The following GATAD2B variants were observed in gnomAD, a reference collection of about 807,000 sequenced individuals.
GATAD2B encodes the protein transcriptional repressor p66-beta.
GATAD2B carries 8 observed loss-of-function variants against 64.3 expected under a neutral mutation model. The ratio of observed to expected loss-of-function variants is 0.12; its 90% CI spans 0.07 to 0.22. The LOEUF (loss-of-function observed/expected upper bound fraction) is 0.22. Among genes scored for constraint, GATAD2B ranks in the 10% least tolerant of loss-of-function variants. GATAD2B has a pLI of 1.00. For synonymous variants in GATAD2B, 281 were observed against 271.3 expected, an observed-to-expected ratio of 1.04 and a Z score of -0.35; for missense variants, 453 against 752.0, an observed-to-expected ratio of 0.60 and a Z score of 4.65.
intron 1 of GATAD2B, chr1:153,852,030 G>A (rs759590351): frequency 6.9e-6 from 3 of 437,028 alleles, no homozygotes; most frequent in South Asian, 5.0e-5. Flanking sequence ...TTGCCTAGCA[G>A]GGTTAATTTC....
Position 153,816,396 on chromosome 1 carries a change from G to A in GATAD2B, c.1093C>T (p.Leu365=), listed in dbSNP as rs1674482921. Residue 365 remains leucine (L), a synonymous_variant, in exon 7 of 11, where the codon CTG becomes TTG. Transcript: ENST00000368655. This position sits in a 1 kb window ranked among gnomAD's most constrained non-coding sequence, Gnocchi z 4.9. ...GGAGGTTTAGGGGGTGGGATCTCCA[G>A]GAGTGTCTTTTCCAGCTGTTTGCGA... is the stretch of plus-strand genomic sequence containing the variant. ...ALRKQLEKTL[L]EIPPPKPPAP... is the part of the protein sequence containing the mutation. 1 of 1,613,958 alleles carries A rather than the reference G, an allele frequency of 6.2e-7. No individual in the cohort carries two copies. Among genetic ancestry groups the A allele is most frequent in the Non-Finnish European group, 8.5e-7 (1 of 1,179,932 alleles).
chr1:153,889,736 T>C (rs190359482), intron 1 of GATAD2B: 211 of 420,956 alleles, frequency 5.0e-4, no homozygotes, highest in Non-Finnish European at 6.3e-4. Context: ...CTGTAAAGAA[T>C]AGCAAAATGT....
chr1:153,922,015 G>C (rs1188274907), intron 1 of GATAD2B: 2 of 152,246 alleles, frequency 1.3e-5, no homozygotes, highest in Non-Finnish European at 2.9e-5. Flanking sequence ...CTGGAAGACA[G>C]ATCCAGTGTG....
At chr1:153,839,616 G>A (rs1038847701) in intron 1 of GATAD2B, among the ~76,000 whole-genome samples, 1 of 152,172 alleles carries the variant, frequency 6.6e-6, no homozygotes, top group Non-Finnish European at 1.5e-5. Flanking sequence ...AAAGTTATCA[G>A]TATTTATAAT....
chr1:153,825,906 G>A (rs751806519), intron 2 of GATAD2B, among the ~76,000 whole-genome samples: 7 of 152,124 alleles, frequency 4.6e-5, no homozygotes, highest in Admixed American at 2.0e-4. Context: ...TGCTTTGGAT[G>A]AGTCCTACAA....
chr1:153,807,317 G>C lies in GATAD2B; in HGVS notation c.*2860C>G, dbSNP rs1449210990. 1 of 152,100 alleles carries C rather than the reference G, an allele frequency of 6.6e-6. No homozygotes were observed. The highest frequency in any genetic ancestry group is 1.5e-5 in the Non-Finnish European group (1 of 68,032). 9.4% of individuals were successfully genotyped at this position (152,100 alleles called of 1,614,324 possible). On this transcript the variant is annotated 3_prime_UTR_variant, in exon 11 of 11. Coordinates refer to ENST00000368655, the MANE Select transcript of GATAD2B (RefSeq NM_020699.4). ...GAGATGGATAGTAACAAGTAGACTT[G>C]GAGGGACACAAGGCAATCAGTGATG... is the stretch of plus-strand genomic sequence containing the variant.
chr1:153,814,340 A>AT (rs1557779623), intron 7 of GATAD2B, among the ~76,000 whole-genome samples: 7 of 152,354 alleles, frequency 4.6e-5, no homozygotes, highest in African/African-American at 1.7e-4. Flanking sequence ...ACTCTATAGT[A>AT]TGGTTTAGTA....
At position 153,914,355 on chromosome 1, in the gene GATAD2B, C is replaced by A. The variant is rs1304335115; in HGVS notation, c.-2+8378G>T. ...CCTTTACATGCATTATCTTATTTGA[C>A]TGACAAAGAAACCTAGCGAAATAGA... is the stretch of plus-strand genomic sequence containing the variant. On this transcript the variant is annotated intron_variant, in intron 1 of 10. Coordinates refer to ENST00000368655, the MANE Select transcript of GATAD2B (RefSeq NM_020699.4). Among the ~76,000 whole-genome samples the A allele has an allele frequency of 2.7e-5, 4 of 150,692 alleles. No individual in the cohort carries two copies. The East Asian group carries it at 7.8e-4, about 29-fold the overall frequency.
intron 2 of GATAD2B, among the ~76,000 whole-genome samples, chr1:153,826,366 T>C (rs1007662919): frequency 1.8e-4 from 27 of 151,820 alleles, no homozygotes; most frequent in South Asian, 4.2e-4. Context: ...TGATGGCTCA[T>C]GCCTATAATC....
At chr1:153,880,558 A>T (rs914102096) in intron 1 of GATAD2B, among the ~76,000 whole-genome samples, 1 of 152,156 alleles carries the variant, frequency 6.6e-6, no homozygotes, top group African/African-American at 2.4e-5. Context: ...AACAAACTAC[A>T]GCTGTAAAAT....
rs577744199 is a variant in GATAD2B, at chr1:153,856,766, A to G, written c.-1-28418T>C. 1.7e-3 allele frequency among the ~76,000 whole-genome samples: 261 copies of G among 152,194 alleles called. 1 individual carries two copies. The highest frequency in any genetic ancestry group is 5.8e-3 in the South Asian group (28 of 4,824). ...TAATAAATAAACCAACTAACCAAAA[A>G]AAAGAAAGAAAGAAAAAAGAATGCC... On this transcript the variant is annotated intron_variant, in intron 1 of 10. Coordinates refer to ENST00000368655, the MANE Select transcript of GATAD2B (RefSeq NM_020699.4).
intron 1 of GATAD2B, among the ~76,000 whole-genome samples, chr1:153,904,959 G>A (rs1200580272): frequency 6.6e-6 from 1 of 150,788 alleles, no homozygotes; most frequent in Non-Finnish European, 1.5e-5. Context: ...TGCCTGCCTT[G>A]GCCTCCCGAA....
At chr1:153,823,979 C>G (rs886121684) in intron 2 of GATAD2B, among the ~76,000 whole-genome samples, 3 of 150,308 alleles carry the variant, frequency 2.0e-5, no homozygotes, top group Non-Finnish European at 4.4e-5. Context: ...ATCCTCCCGC[C>G]TCGGCCTCCC....
chr1:153,876,706 A>G (rs1676847250), intron 1 of GATAD2B, among the ~76,000 whole-genome samples: 1 of 152,220 alleles, frequency 6.6e-6, no homozygotes, highest in South Asian at 2.1e-4. Context: ...AATCATTTAG[A>G]AAAGGTGATA....
intron 1 of GATAD2B, among the ~76,000 whole-genome samples, chr1:153,840,851 C>A (rs1166440819): frequency 6.6e-6 from 1 of 152,048 alleles, no homozygotes; most frequent in Non-Finnish European, 1.5e-5. Flanking sequence ...ATAGGCCGGG[C>A]ACGGTGGCTC....
At chr1:153,839,094 ACG>A (rs1675375352) in intron 1 of GATAD2B, among the ~76,000 whole-genome samples, 1 of 133,644 alleles carries the variant, frequency 7.5e-6, no homozygotes, top group Admixed American at 8.6e-5. Flanking sequence ...GGGTGACAGA[ACG>A]AGACCCTGTC....
At chr1:153,832,656 A>G (rs1434817805) in intron 1 of GATAD2B, among the ~76,000 whole-genome samples, 3 of 152,214 alleles carry the variant, frequency 2.0e-5, no homozygotes, top group African/African-American at 7.2e-5. Flanking sequence ...AAATTTTCTA[A>G]TTTTTATTTT....
At chr1:153,848,231 T>C (rs1675757338) in intron 1 of GATAD2B, among the ~76,000 whole-genome samples, 1 of 152,202 alleles carries the variant, frequency 6.6e-6, no homozygotes, top group South Asian at 2.1e-4. Flanking sequence ...GAGTTACCTA[T>C]ACTCATTGTC....
intron 4 of GATAD2B, 145 bp downstream of exon 4, chr1:153,818,646 A>G: frequency 1.5e-6 from 1 of 685,856 alleles, no homozygotes; most frequent in Non-Finnish European, 2.4e-6. Flanking sequence ...CCTAAGATTA[A>G]AAAAAAAATC....
Sources: allele counts gnomAD v4.1 joint callset (sites outside exome capture counted in the v4.1 genomes callset), GRCh38; gene constraint gnomAD v4.1.1; non-coding constraint Gnocchi (gnomAD v3.1); transcripts MANE v1.5; gene names NCBI Gene and HGNC (gene_info 2026-07-23, HGNC 2026-07-21).